Variants in R3HDM2 observed in about 807,000 individuals in gnomAD.
R3HDM2 encodes R3H domain containing 2, also known as R3H domain-containing protein 2.
In R3HDM2, 38 loss-of-function variants were observed where a neutral mutation model predicts 124.5. The ratio of observed to expected loss-of-function variants is 0.31; its 90% CI spans 0.24 to 0.40. The LOEUF is 0.40. Among genes scored for constraint, R3HDM2 ranks in the 10% least tolerant of loss-of-function variants. R3HDM2 has a pLI of 1.00. For synonymous variants in R3HDM2, 391 were observed against 448.0 expected (o/e 0.87, Z 1.61); for missense variants, 869 against 1,236.9 (o/e 0.70, Z 4.46).
At chr12:57,336,395 C>G (rs143428739) in intron 2 of R3HDM2, among the ~76,000 whole-genome samples, 1 of 151,944 alleles carries the variant, frequency 6.6e-6, no homozygotes, top group African/African-American at 2.4e-5. Flanking sequence ...AAGACGTGGT[C>G]GATTTAGGTT....
chr12:57,345,615 C>T (rs1257445878), intron 2 of R3HDM2, among the ~76,000 whole-genome samples: 2 of 152,038 alleles, frequency 1.3e-5, no homozygotes, highest in African/African-American at 4.8e-5. Flanking sequence ...CTCACTGCAG[C>T]GTTGAACTTC....
At chr12:57,333,996 G>A (rs1044671297) in intron 2 of R3HDM2, among the ~76,000 whole-genome samples, 2 of 151,558 alleles carry the variant, frequency 1.3e-5, no homozygotes, top group Non-Finnish European at 2.9e-5. Context: ...CCGAGACTGC[G>A]CCACTGCACT....
chr12:57,266,836 G>A lies in R3HDM2; in HGVS notation c.2031-5C>T. ...TGCAGAAACCCTACAGAAGGGCTGGGAAGACAGAGAAGAGAGGAGTGGTGA... is the reference window on the plus strand; with the variant it reads ...TGCAGAAACCCTACAGAAGGGCTGGAAAGACAGAGAAGAGAGGAGTGGTGA... On this transcript the variant is annotated splice_region_variant and splice_polypyrimidine_tract_variant and intron_variant, in intron 18 of 23. Transcript: ENST00000402412. The A allele has an allele frequency of 6.4e-7, 1 of 1,562,990 alleles. No homozygotes were observed. The highest frequency in any genetic ancestry group is 1.1e-5 in the South Asian group (1 of 88,888).
chr12:57,254,087 A>T lies in R3HDM2; in HGVS notation c.*686T>A. The T allele has an allele frequency of 2.4e-6, 1 of 425,116 alleles. No homozygotes were observed. The highest frequency in any genetic ancestry group is 1.7e-5 in the South Asian group (1 of 57,504). 26.3% of individuals were successfully genotyped at this position (425,116 alleles called of 1,614,324 possible). Reference sequence around the variant, plus strand: ...TAAATATATTCATAAAGACCAAAAAAGGAAAGGAAGCTTGGGATGTTAAGG... The same window carrying T: ...TAAATATATTCATAAAGACCAAAAATGGAAAGGAAGCTTGGGATGTTAAGG... On this transcript the variant is annotated 3_prime_UTR_variant, in exon 24 of 24. Transcript: ENST00000402412.
chr12:57,409,093 CCAGT>C (rs2068781907), intron 1 of R3HDM2, among the ~76,000 whole-genome samples: 1 of 151,988 alleles, frequency 6.6e-6, no homozygotes, highest in Non-Finnish European at 1.5e-5. Context: ...CTATAGCTAG[CCAGT>C]CAGTAAGGTT....
rs145988972 is a variant in R3HDM2 at position 57,258,133 on chromosome 12, T to C, written c.2306A>G (p.Asn769Ser). The C allele has an allele frequency of 1.6e-5, 24 of 1,545,748 alleles. No individual in the cohort carries two copies. The highest frequency in any genetic ancestry group is 2.3e-5 in the East Asian group (1 of 43,330). ...GACAGGGCTGCTGCTCATTTGTGTG[T>C]TGGCCTGTGGAAAAGAGGAGCACAC... ...LYSPDSSPQA[N>S]TQMSSSPVTS... Residue 769 changes from asparagine (N) to serine (S), a missense_variant, in exon 21 of 24, where the codon AAC becomes AGC. Transcript: ENST00000402412.
At chr12:57,409,015 C>T (rs181942455) in intron 1 of R3HDM2, among the ~76,000 whole-genome samples, 152 of 152,182 alleles carry the variant, frequency 1.0e-3, no homozygotes, top group African/African-American at 3.3e-3. Context: ...TTAAATTATA[C>T]TGCATATTGT....
intron 2 of R3HDM2, among the ~76,000 whole-genome samples, chr12:57,357,114 GAATAAATAAATA>G (rs60165527): frequency 2.3e-4 from 34 of 146,744 alleles, no homozygotes; most frequent in East Asian, 2.2e-3. Context: ...AAAAATAAAT[GAATAAATAAATA>G]AATAAATAAA....
intron 2 of R3HDM2, among the ~76,000 whole-genome samples, chr12:57,340,683 A>G (rs1397196113): frequency 6.6e-6 from 1 of 152,248 alleles, no homozygotes; most frequent in Non-Finnish European, 1.5e-5. Flanking sequence ...AGCACAGAAC[A>G]GAAGAGAAAA....
At chr12:57,365,917 CAG>C (rs1039749631) in intron 2 of R3HDM2, among the ~76,000 whole-genome samples, 2 of 137,734 alleles carry the variant, frequency 1.5e-5, no homozygotes, top group African/African-American at 5.2e-5. Context: ...GACTGGGCGA[CAG>C]AGCAAGACTC....
At chr12:57,318,980 C>T (rs991369940) in intron 2 of R3HDM2, among the ~76,000 whole-genome samples, 1 of 152,130 alleles carries the variant, frequency 6.6e-6, no homozygotes. Flanking sequence ...AATACTGCCT[C>T]TAACTAAGGG....
intron 21 of R3HDM2, among the ~76,000 whole-genome samples, chr12:57,256,933 A>G (rs2039218655): frequency 6.6e-6 from 1 of 151,340 alleles, no homozygotes; most frequent in Non-Finnish European, 1.5e-5. Flanking sequence ...CTCCTGCTTC[A>G]GCCTCCCGAG....
chr12:57,423,970 C>T (rs1236131126), intron 1 of R3HDM2, among the ~76,000 whole-genome samples: 5 of 150,462 alleles, frequency 3.3e-5, no homozygotes, highest in Non-Finnish European at 5.9e-5. Context: ...CAAAATTAGC[C>T]AGGTGTGGTG....
At chr12:57,270,924 T>C (rs2043461446) in intron 14 of R3HDM2, among the ~76,000 whole-genome samples, 1 of 152,208 alleles carries the variant, frequency 6.6e-6, no homozygotes, top group African/African-American at 2.4e-5. Context: ...ACAATTACTG[T>C]ATATAGAAAA....
chr12:57,344,670 A>G (rs1168152628), intron 2 of R3HDM2, among the ~76,000 whole-genome samples: 1 of 152,226 alleles, frequency 6.6e-6, no homozygotes, highest in Admixed American at 6.5e-5. Context: ...ACTGGAAAAT[A>G]TAACAACCAG....
At chr12:57,385,868 T>A (rs2065662334) in intron 2 of R3HDM2, among the ~76,000 whole-genome samples, 1 of 152,046 alleles carries the variant, frequency 6.6e-6, no homozygotes, top group African/African-American at 2.4e-5. Flanking sequence ...ATTTTCAGAG[T>A]AGTAGTAAAA....
intron 2 of R3HDM2, among the ~76,000 whole-genome samples, chr12:57,326,298 T>C (rs953911382): frequency 4.6e-5 from 7 of 152,218 alleles, no homozygotes; most frequent in African/African-American, 1.7e-4. Flanking sequence ...CTGGAAATTA[T>C]GCTTCGTGAG....
In R3HDM2 at chr12:57,297,393, TAA is replaced by T; in HGVS notation, c.501-8_501-7del. Reference sequence around the variant, plus strand: ...TTAGCAGCATCATTCTGTCCCTGTTTAAAAAAGATTAAAACAAAACAAAACAA... The same window carrying T: ...TTAGCAGCATCATTCTGTCCCTGTTTAAAAGATTAAAACAAAACAAAACAA... On this transcript the variant is annotated splice_polypyrimidine_tract_variant and splice_region_variant and intron_variant, in intron 7 of 23. Coordinates refer to ENST00000402412, the MANE Select transcript of R3HDM2 (RefSeq NM_001394031.1). 6.7e-7 allele frequency: 1 copy of T among 1,502,932 alleles called. No individual in the cohort carries two copies. Among genetic ancestry groups the T allele is most frequent in the Non-Finnish European group, 9.0e-7 (1 of 1,107,774 alleles). The allele number at this position is 1,502,932 out of a possible 1,614,324, so 93.1% of individuals were successfully genotyped here. A position where few individuals can be genotyped will look rare whatever the true frequency, so the allele number is the denominator to read the frequency against.
intron 2 of R3HDM2, among the ~76,000 whole-genome samples, chr12:57,372,192 T>G (rs1434808346): frequency 6.6e-6 from 1 of 152,100 alleles, no homozygotes; most frequent in East Asian, 1.9e-4. Context: ...TTATATTATC[T>G]CAAAGCCTTC....
Sources: gnomAD v4.1 joint callset for allele counts (sites outside exome capture counted in the v4.1 genomes callset) on GRCh38, gnomAD v4.1.1 for gene constraint, MANE v1.5 for transcripts, NCBI Gene and HGNC (gene_info 2026-07-23, HGNC 2026-07-21) for gene names.